The following ARHGEF33 variants were observed in gnomAD, a reference collection of about 807,000 sequenced individuals.
ARHGEF33 encodes the protein DH and coiled-coil domain-containing protein ENSP00000381780.
Under a neutral mutation model 101.9 loss-of-function variants are expected in ARHGEF33, and 72 were observed. The observed-to-expected ratio is 0.71, with a 90% confidence interval of 0.58 to 0.86. ARHGEF33 has a LOEUF of 0.86. ARHGEF33 is among the 40% of genes least tolerant of loss of function. The pLI is 0.00. For synonymous variants in ARHGEF33, 499 were observed against 442.5 expected, an observed-to-expected ratio of 1.13 and a Z score of -1.60; for missense variants, 1,169 against 1,111.3, an observed-to-expected ratio of 1.05 and a Z score of -0.74.
chr2:38,971,467 T>C (rs1460627826), intron 17 of ARHGEF33, among the ~76,000 whole-genome samples: 1 of 152,202 alleles, frequency 6.6e-6, no homozygotes, highest in African/African-American at 2.4e-5. Context: ...TTTTGTTTTA[T>C]AGAGAAAGGG....
chr2:38,893,138 C>G (rs1387273974), intron 1 of ARHGEF33, among the ~76,000 whole-genome samples: 2 of 149,650 alleles, frequency 1.3e-5, no homozygotes, highest in Non-Finnish European at 3.0e-5. Flanking sequence ...AGGCCTTGTG[C>G]TTTGTTCCTC....
intron 16 of ARHGEF33, among the ~76,000 whole-genome samples, chr2:38,965,763 T>G (rs1312538439): frequency 6.6e-6 from 1 of 152,240 alleles, no homozygotes; most frequent in Non-Finnish European, 1.5e-5. Context: ...TAATTATTGT[T>G]ATATATTACA....
chr2:38,926,475 G>A (rs1666871881), intron 4 of ARHGEF33, among the ~76,000 whole-genome samples: 1 of 152,212 alleles, frequency 6.6e-6, no homozygotes, highest in Non-Finnish European at 1.5e-5. Flanking sequence ...TGTATCAGGT[G>A]TGTGTTCTCC....
At chr2:38,932,339 C>A (rs1301168518) in intron 7 of ARHGEF33, among the ~76,000 whole-genome samples, 2 of 152,196 alleles carry the variant, frequency 1.3e-5, no homozygotes, top group Non-Finnish European at 2.9e-5. Flanking sequence ...GTTGGCCAGG[C>A]TCATCTTGAA....
chr2:38,902,096 C>T (rs1666257633), intron 2 of ARHGEF33, among the ~76,000 whole-genome samples: 1 of 139,018 alleles, frequency 7.2e-6, no homozygotes, highest in African/African-American at 2.7e-5. Flanking sequence ...GCTTGGGTGA[C>T]AGAGCAGCCT....
At chr2:38,973,688 A>T in intron 17 of ARHGEF33, 26 bp from the exon 18 acceptor site, 1 of 1,504,762 alleles carries the variant, frequency 6.6e-7, no homozygotes. Context: ...ATCAACCTGT[A>T]CTTTATCTGT....
rs72916841 is a variant in ARHGEF33 at position 38,937,324 on chromosome 2, C to G, written c.566-11C>G. The G allele has an allele frequency of 9.4e-6, 4 of 424,232 alleles. No homozygotes were observed. In the Admixed American group the frequency reaches 1.3e-4, roughly 13 times the overall value. 26.3% of individuals were successfully genotyped at this position (424,232 alleles called of 1,614,324 possible). ...TTCTTTGTTTCCCCGCCCCTCCCCC[C>G]ACCCCACCAGGAGTGAACCCAACAA... On this transcript the variant is annotated splice_polypyrimidine_tract_variant and intron_variant, in intron 8 of 17. Coordinates refer to ENST00000409978, the MANE Select transcript of ARHGEF33 (RefSeq NM_001145451.5).
chr2:38,974,406 T>C lies in ARHGEF33; in HGVS notation c.*563T>C, dbSNP rs1668231571. 6.6e-6 allele frequency: 1 copy of C among 152,236 alleles called. No homozygotes were observed. 9.4% of individuals were successfully genotyped at this position (152,236 alleles called of 1,614,324 possible). A position where few individuals can be genotyped will look rare whatever the true frequency, so the allele number is the denominator to read the frequency against. ...TTTTATATGTTGCATATCTGAGTTATGGAGAATTTGTGCTTAAACCATGAT... is the reference window on the plus strand; with the variant it reads ...TTTTATATGTTGCATATCTGAGTTACGGAGAATTTGTGCTTAAACCATGAT... On this transcript the variant is annotated 3_prime_UTR_variant, in exon 18 of 18. Transcript: ENST00000409978.
At chr2:38,908,551 A>G (rs750775856) in intron 2 of ARHGEF33, among the ~76,000 whole-genome samples, 3 of 152,218 alleles carry the variant, frequency 2.0e-5, no homozygotes, top group Non-Finnish European at 4.4e-5. Context: ...AATTTACTCT[A>G]TCCTGACTGA....
chr2:38,919,063 A>T (rs1450094104), intron 2 of ARHGEF33, among the ~76,000 whole-genome samples: 2 of 152,254 alleles, frequency 1.3e-5, no homozygotes, highest in Admixed American at 6.5e-5. Flanking sequence ...AATAAATAAA[A>T]TAAAATTTCT....
chr2:38,967,742 ATTTTTTTTT>A (rs546430517), intron 17 of ARHGEF33, among the ~76,000 whole-genome samples: 1 of 128,370 alleles, frequency 7.8e-6, no homozygotes, highest in Non-Finnish European at 1.7e-5. Context: ...CGCCCTGGCT[ATTTTTTTTT>A]TTTTTTTTTG....
intron 2 of ARHGEF33, among the ~76,000 whole-genome samples, chr2:38,911,850 G>C (rs941037756): frequency 6.6e-6 from 1 of 152,026 alleles, no homozygotes; most frequent in Admixed American, 6.6e-5. Context: ...TTTGGCCTGG[G>C]TAACAGAGTG....
intron 10 of ARHGEF33, among the ~76,000 whole-genome samples, chr2:38,945,815 G>A (rs912851541): frequency 1.3e-5 from 2 of 152,176 alleles, no homozygotes; most frequent in Admixed American, 6.5e-5. Flanking sequence ...CACTTGATTC[G>A]TAACTTCACG....
intron 1 of ARHGEF33, among the ~76,000 whole-genome samples, chr2:38,893,676 C>T (rs1348146703): frequency 2.0e-5 from 3 of 152,198 alleles, no homozygotes; most frequent in African/African-American, 7.2e-5. Context: ...GAAGCAGAAA[C>T]AATGGCATCC....
At position 38,928,994 on chromosome 2, in the gene ARHGEF33, G is replaced by A. The variant is rs765786807; in HGVS notation, c.163G>A (p.Glu55Lys). 44 of 1,551,336 alleles carry A rather than the reference G, an allele frequency of 2.8e-5. 1 individual carries two copies. Among genetic ancestry groups the A allele is most frequent in the Non-Finnish European group, 3.7e-5 (42 of 1,146,766 alleles). Residue 55 changes from glutamate (E) to lysine (K), a missense_variant, in exon 5 of 18, where the codon GAA becomes AAA. Physicochemically the swap from Glu to Lys is moderately conservative, Grantham distance 56 (BLOSUM62 1). Coordinates refer to ENST00000409978, the MANE Select transcript of ARHGEF33 (RefSeq NM_001145451.5). ...SRIQHGEYAL[E>K]EKVKSCRCSM... ...AATTCAACATGGAGAATATGCTTTG[G>A]AAGAAAAGGTTAAGAGCTGCAGATG...
rs1037340670 is a variant in ARHGEF33, at chr2:38,974,987, G to C, written c.*1144G>C. On this transcript the variant is annotated 3_prime_UTR_variant, in exon 18 of 18. Transcript: ENST00000409978. Reference sequence around the variant, plus strand: ...TGCCCCAAACATCAGATTTATAATAGAAAAAAAATTGGGTTTAAACAATTT... The same window carrying C: ...TGCCCCAAACATCAGATTTATAATACAAAAAAAATTGGGTTTAAACAATTT... 2 of 151,894 alleles carry C rather than the reference G, an allele frequency of 1.3e-5. No individual in the cohort carries two copies. The highest frequency in any genetic ancestry group is 2.9e-5 in the Non-Finnish European group (2 of 67,930). The allele number at this position is 151,894 out of a possible 1,614,324, so 9.4% of individuals were successfully genotyped here.
intron 1 of ARHGEF33, among the ~76,000 whole-genome samples, chr2:38,890,467 A>G (rs568750002): frequency 6.6e-6 from 1 of 152,324 alleles, no homozygotes; most frequent in South Asian, 2.1e-4. Context: ...TATGTACAGA[A>G]CAAAAAACAT....
intron 3 of ARHGEF33, among the ~76,000 whole-genome samples, chr2:38,920,457 G>T (rs1666731576): frequency 7.6e-6 from 1 of 131,134 alleles, no homozygotes; most frequent in South Asian, 2.5e-4. Context: ...GCCCAGGCTG[G>T]AACGCAATGG....
At chr2:38,891,115 G>T (rs944367998) in intron 1 of ARHGEF33, among the ~76,000 whole-genome samples, 1 of 151,744 alleles carries the variant, frequency 6.6e-6, no homozygotes, top group Non-Finnish European at 1.5e-5. Flanking sequence ...TGTATTTTTT[G>T]TAGAGATGGG....
Sources: allele counts gnomAD v4.1 joint callset (sites outside exome capture counted in the v4.1 genomes callset), GRCh38; gene constraint gnomAD v4.1.1; transcripts MANE v1.5; gene names NCBI Gene and HGNC (gene_info 2026-07-23, HGNC 2026-07-21).